The following ACSS3 variants were observed in gnomAD, a reference collection of about 807,000 sequenced individuals.
The protein encoded by ACSS3 is acyl-CoA synthetase short chain family member 3.
A neutral mutation model predicts 84.2 loss-of-function variants in ACSS3; 64 were observed. That is an observed-to-expected ratio of 0.76 (90% confidence interval 0.62 to 0.94). The LOEUF (loss-of-function observed/expected upper bound fraction) is 0.94, where lower values mean the gene tolerates loss of function less well. Ranked by LOEUF, ACSS3 falls within the 40% of genes least tolerant of loss-of-function variation. ACSS3 has a pLI of 0.00. For missense variants in ACSS3, 815 were observed against 867.6 expected, an observed-to-expected ratio of 0.94 and a Z score of 0.76; for synonymous variants, 317 against 310.1, an observed-to-expected ratio of 1.02 and a Z score of -0.23.
rs962715458 is a variant in ACSS3 at position 81,230,968 on chromosome 12, A to G, written c.1515-89A>G. Reference sequence around the variant, plus strand: ...TCAATGTAGGATTTGAATTGTAATTATCTGTCACAGTAGAAAAATAATAGT... The same window carrying G: ...TCAATGTAGGATTTGAATTGTAATTGTCTGTCACAGTAGAAAAATAATAGT... On this transcript the variant is annotated intron_variant, in intron 11 of 15. Coordinates refer to ENST00000548058, the MANE Select transcript of ACSS3 (RefSeq NM_024560.4). 1.4e-5 allele frequency: 14 copies of G among 971,872 alleles called. No individual in the cohort carries two copies. In the African/African-American group the frequency reaches 2.0e-4, roughly 14 times the overall value. The allele number at this position is 971,872 out of a possible 1,614,324, so 60.2% of individuals were successfully genotyped here. A position where few individuals can be genotyped will look rare whatever the true frequency, so the allele number is the denominator to read the frequency against.
chr12:81,183,005 A>C (rs2031038749), intron 8 of ACSS3, among the ~76,000 whole-genome samples: 1 of 152,136 alleles, frequency 6.6e-6, no homozygotes, highest in Non-Finnish European at 1.5e-5. Context: ...ACCACCAAAA[A>C]TTTTAACTGG....
At chr12:81,191,009 A>AT (rs893978162) in intron 8 of ACSS3, among the ~76,000 whole-genome samples, 12 of 149,268 alleles carry the variant, frequency 8.0e-5, no homozygotes, top group Admixed American at 1.3e-4. Flanking sequence ...TTTGTTGAAG[A>AT]TTTTTTTTTT....
intron 1 of ACSS3, among the ~76,000 whole-genome samples, chr12:81,079,477 A>G (rs75177742): frequency 0.02 from 3,083 of 152,306 alleles, 55 homozygotes; most frequent in African/African-American, 0.045. Flanking sequence ...TGGTCAGAGC[A>G]AGAAATCTGG....
At chr12:81,174,727 G>T in intron 7 of ACSS3, 61 bp from the exon 8 acceptor site, 2 of 1,519,834 alleles carry the variant, frequency 1.3e-6, no homozygotes, top group South Asian at 1.2e-5. Context: ...TATAACTATT[G>T]AACTGTCAGT....
At chr12:81,151,757 C>T in intron 5 of ACSS3, 87 bp from the exon 6 acceptor site, 1 of 1,165,074 alleles carries the variant, frequency 8.6e-7, no homozygotes, top group South Asian at 1.5e-5. Flanking sequence ...TACTTTTGAC[C>T]AGGAACTTTT....
At chr12:81,177,086 T>A (rs1334047267) in intron 8 of ACSS3, among the ~76,000 whole-genome samples, 1 of 152,194 alleles carries the variant, frequency 6.6e-6, no homozygotes, top group Non-Finnish European at 1.5e-5. Flanking sequence ...TCTCAATAGA[T>A]GCAGAAAATG....
At chr12:81,211,978 G>C (rs942871759) in intron 9 of ACSS3, among the ~76,000 whole-genome samples, 3 of 152,106 alleles carry the variant, frequency 2.0e-5, no homozygotes, top group African/African-American at 7.2e-5. Context: ...CTCTGAACTT[G>C]AGTTTCCCTT....
chr12:81,218,366 TG>T (rs1450924075), intron 10 of ACSS3, among the ~76,000 whole-genome samples: 2 of 152,220 alleles, frequency 1.3e-5, no homozygotes, highest in Non-Finnish European at 2.9e-5. Context: ...TCCTAACATA[TG>T]TTTCTTATTT....
At chr12:81,148,186 T>C (rs1459651839) in intron 5 of ACSS3, among the ~76,000 whole-genome samples, 1 of 152,118 alleles carries the variant, frequency 6.6e-6, no homozygotes, top group African/African-American at 2.4e-5. Context: ...ATTTTTACAA[T>C]GAAGAATCCC....
At chr12:81,179,588 G>GT (rs1392530412) in intron 8 of ACSS3, among the ~76,000 whole-genome samples, 6 of 151,928 alleles carry the variant, frequency 3.9e-5, no homozygotes, top group Non-Finnish European at 8.8e-5. Context: ...CGAGACCCCA[G>GT]TGAAACCCCA....
chr12:81,244,746 G>A (rs189971291), intron 13 of ACSS3, among the ~76,000 whole-genome samples: 4 of 152,118 alleles, frequency 2.6e-5, no homozygotes, highest in Admixed American at 2.6e-4. Context: ...TAATCTCTCT[G>A]CTCAGCTTAC....
At chr12:81,136,499 C>T (rs754496382) in intron 3 of ACSS3, among the ~76,000 whole-genome samples, 2 of 152,008 alleles carry the variant, frequency 1.3e-5, no homozygotes, top group Non-Finnish European at 1.5e-5. Context: ...TTCTTTCAGT[C>T]GGGTGGCCAA....
At chr12:81,212,477 G>A (rs2032633344) in intron 9 of ACSS3, among the ~76,000 whole-genome samples, 1 of 152,146 alleles carries the variant, frequency 6.6e-6, no homozygotes, top group Non-Finnish European at 1.5e-5. Flanking sequence ...TTACTTGAGA[G>A]CTTCAGAAGT....
At chr12:81,187,625 T>A (rs1045309351) in intron 8 of ACSS3, among the ~76,000 whole-genome samples, 2 of 151,686 alleles carry the variant, frequency 1.3e-5, no homozygotes, top group Non-Finnish European at 3.0e-5. Flanking sequence ...AGTTGTCAAA[T>A]CAGACAAGTA....
chr12:81,093,092 A>G (rs1482960807), intron 1 of ACSS3, among the ~76,000 whole-genome samples: 1 of 152,102 alleles, frequency 6.6e-6, no homozygotes, highest in African/African-American at 2.4e-5. Context: ...GAGAGGTTTT[A>G]TAAATGCAAG....
At chr12:81,244,864 A>T (rs1350985981) in intron 13 of ACSS3, among the ~76,000 whole-genome samples, 1 of 151,956 alleles carries the variant, frequency 6.6e-6, no homozygotes, top group Non-Finnish European at 1.5e-5. Context: ...TATTCCTGTC[A>T]TATGAAACTC....
chr12:81,088,886 G>C (rs775425548), intron 1 of ACSS3, among the ~76,000 whole-genome samples: 1 of 151,834 alleles, frequency 6.6e-6, no homozygotes, highest in Non-Finnish European at 1.5e-5. Flanking sequence ...AAACATTCTA[G>C]ATATGGAATA....
intron 7 of ACSS3, among the ~76,000 whole-genome samples, chr12:81,160,399 T>A (rs1235839561): frequency 6.6e-6 from 1 of 152,250 alleles, no homozygotes; most frequent in Non-Finnish European, 1.5e-5. Flanking sequence ...ATACTCTGCC[T>A]TCTCAGGCAA....
At chr12:81,182,782 G>C (rs2031022195) in intron 8 of ACSS3, among the ~76,000 whole-genome samples, 1 of 152,056 alleles carries the variant, frequency 6.6e-6, no homozygotes, top group African/African-American at 2.4e-5. Context: ...ACAGCATTGA[G>C]ACAAACTACA....
Sources: allele counts gnomAD v4.1 joint callset (sites outside exome capture counted in the v4.1 genomes callset), GRCh38; gene constraint gnomAD v4.1.1; transcripts MANE v1.5; gene names NCBI Gene and HGNC (gene_info 2026-07-23, HGNC 2026-07-21).